TXNRD1: variants seen among roughly 807,000 people sequenced by gnomAD.
The protein encoded by TXNRD1 is thioredoxin reductase 1, cytoplasmic.
Under a neutral mutation model 80.3 loss-of-function variants are expected in TXNRD1, and 57 were observed. That is an observed-to-expected ratio of 0.71 (90% CI 0.57 to 0.89). The LOEUF is 0.89. TXNRD1 is among the 40% of genes least tolerant of loss of function. TXNRD1 has a pLI of 0.00. For synonymous variants in TXNRD1, 291 were observed against 285.2 expected (o/e 1.02, Z -0.20); for missense variants, 730 against 803.0 (o/e 0.91, Z 1.10).
At chr12:104,253,553 C>T (rs2033176677) in intron 2 of TXNRD1, among the ~76,000 whole-genome samples, 1 of 152,146 alleles carries the variant, frequency 6.6e-6, no homozygotes, top group South Asian at 2.1e-4. Context: ...CTATGTAATT[C>T]TTGGCCTCTA....
intron 1 of TXNRD1, among the ~76,000 whole-genome samples, chr12:104,225,333 G>T (rs1469526437): frequency 1.3e-5 from 2 of 152,216 alleles, no homozygotes; most frequent in African/African-American, 4.8e-5. Context: ...GTGGAGCGAG[G>T]ATTCTCATGC....
chr12:104,318,451 A>G (rs530366857), intron 7 of TXNRD1, among the ~76,000 whole-genome samples: 2 of 152,330 alleles, frequency 1.3e-5, no homozygotes, highest in South Asian at 4.1e-4. Context: ...GCATGGCTGT[A>G]TTTTAATAAA....
At chr12:104,300,037 T>C (rs1019654903) in intron 4 of TXNRD1, among the ~76,000 whole-genome samples, 3 of 152,152 alleles carry the variant, frequency 2.0e-5, no homozygotes, top group East Asian at 3.8e-4. Context: ...TAAAAATCCA[T>C]TTGTTATAGG....
chr12:104,326,236 C>T, intron 11 of TXNRD1, 111 bp from the exon 12 acceptor site: 13 of 708,106 alleles, frequency 1.8e-5, no homozygotes, highest in Admixed American at 3.4e-5. Context: ...TATTTATTTC[C>T]AAGTTTGAAA....
At position 104,215,839 on chromosome 12, in the gene TXNRD1, G is replaced by GCCC. The variant is rs1335700672; in HGVS notation, c.39_41dup (p.Pro14dup). ...CGAGGGCAAGGCAGTGGCGGCGGCC[G>GCCC]CCCCAACGGAGCTGCAGACGAAAGG... On this transcript the variant is annotated inframe_insertion, in exon 1 of 17. Coordinates refer to ENST00000525566, the MANE Select transcript of TXNRD1 (RefSeq NM_001093771.3). 2.6e-6 allele frequency: 4 copies of GCCC among 1,560,740 alleles called. No individual in the cohort carries two copies. In the African/African-American group the frequency reaches 5.5e-5, roughly 21 times the overall value.
At chr12:104,237,811 G>A (rs2032770838) in intron 1 of TXNRD1, among the ~76,000 whole-genome samples, 1 of 152,020 alleles carries the variant, frequency 6.6e-6, no homozygotes, top group South Asian at 2.1e-4. Context: ...TCAGAAGTTC[G>A]AGACCAGCCT....
chr12:104,271,952 G>T (rs1349161633), intron 3 of TXNRD1, among the ~76,000 whole-genome samples: 1 of 152,058 alleles, frequency 6.6e-6, no homozygotes, highest in Non-Finnish European at 1.5e-5. Context: ...GCCAGGCGCG[G>T]TGACTCACCC....
At chr12:104,275,133 C>T (rs1593738702) in intron 3 of TXNRD1, among the ~76,000 whole-genome samples, 1 of 151,794 alleles carries the variant, frequency 6.6e-6, no homozygotes, top group South Asian at 2.1e-4. Context: ...GTTTTTCTAG[C>T]CAGGTGTGGT....
intron 1 of TXNRD1, among the ~76,000 whole-genome samples, chr12:104,235,096 A>G (rs752001294): frequency 6.6e-6 from 1 of 152,216 alleles, no homozygotes; most frequent in Non-Finnish European, 1.5e-5. Context: ...ATTTCTCAGC[A>G]AGGCAAATTT....
At chr12:104,283,313 A>G (rs1239633710) in intron 3 of TXNRD1, among the ~76,000 whole-genome samples, 1 of 151,924 alleles carries the variant, frequency 6.6e-6, no homozygotes, top group South Asian at 2.1e-4. Flanking sequence ...GTACAATGGC[A>G]TGATCTCGGC....
intron 16 of TXNRD1, among the ~76,000 whole-genome samples, chr12:104,344,055 A>G (rs1280877437): frequency 6.6e-6 from 1 of 152,186 alleles, no homozygotes; most frequent in Non-Finnish European, 1.5e-5. Context: ...GTGAGCCGAG[A>G]TCACGACACT....
At chr12:104,313,402 A>T (rs6539137) in intron 6 of TXNRD1, 85 bp downstream of exon 6, 973,653 of 1,072,262 alleles carry the variant, frequency 0.91, 442,679 homozygotes, top group East Asian at 1. Context: ...AAGCCTAATT[A>T]AAAAAATCAA....
chr12:104,255,498 C>T (rs527994872), intron 2 of TXNRD1, among the ~76,000 whole-genome samples: 69 of 152,144 alleles, frequency 4.5e-4, no homozygotes, highest in African/African-American at 1.6e-3. Context: ...TATTTGCATG[C>T]TTATTTAAAC....
intron 4 of TXNRD1, among the ~76,000 whole-genome samples, chr12:104,291,630 C>T (rs2034220196): frequency 1.3e-5 from 2 of 151,900 alleles, no homozygotes; most frequent in African/African-American, 4.8e-5. Flanking sequence ...ATTACAGGCG[C>T]CTGCCACCGT....
At chr12:104,238,717 A>G (rs1022280091) in intron 1 of TXNRD1, among the ~76,000 whole-genome samples, 3 of 152,224 alleles carry the variant, frequency 2.0e-5, no homozygotes, top group African/African-American at 7.2e-5. Flanking sequence ...CAACCTGTGC[A>G]AGGTTTATCC....
chr12:104,337,221 A>G (rs1323537704), intron 15 of TXNRD1, among the ~76,000 whole-genome samples: 1 of 151,958 alleles, frequency 6.6e-6, no homozygotes, highest in Non-Finnish European at 1.5e-5. Flanking sequence ...TATTCATACC[A>G]TAAACCCGGA....
chr12:104,324,227 A>C (rs1011410586), intron 10 of TXNRD1, among the ~76,000 whole-genome samples: 3 of 152,208 alleles, frequency 2.0e-5, no homozygotes, highest in Middle Eastern at 3.4e-3. Flanking sequence ...AACAAGAAAG[A>C]CTTCTCCAGT....
At chr12:104,261,492 C>T (rs1206365091) in intron 3 of TXNRD1, among the ~76,000 whole-genome samples, 3 of 152,052 alleles carry the variant, frequency 2.0e-5, no homozygotes, top group Non-Finnish European at 4.4e-5. Context: ...GTCCTCTTTA[C>T]TTTCTCTATC....
chr12:104,310,159 A>C, intron 4 of TXNRD1: 3 of 1,410,720 alleles, frequency 2.1e-6, no homozygotes, highest in Non-Finnish European at 2.8e-6. Context: ...TTTGTTTTTT[A>C]AAATGAGATG....
Sources: gnomAD v4.1 joint callset for allele counts (sites outside exome capture counted in the v4.1 genomes callset) on GRCh38, gnomAD v4.1.1 for gene constraint, MANE v1.5 for transcripts, NCBI Gene and HGNC (gene_info 2026-07-23, HGNC 2026-07-21) for gene names.